XG: variants seen among roughly 807,000 people sequenced by gnomAD.
XG encodes glycoprotein Xg.
Under a neutral mutation model 25.7 loss-of-function variants are expected in XG, and 24 were observed. The ratio of observed to expected loss-of-function variants is 0.93; its 90% CI spans 0.68 to 1.31. XG has a LOEUF of 1.31. XG is among the 40% of genes most tolerant of loss of function. The pLI, the probability that XG is intolerant of heterozygous loss-of-function variation, is 0.00. For missense variants in XG, 181 were observed against 187.6 expected (o/e 0.96, Z 0.21); for synonymous variants, 77 against 69.2 (o/e 1.11, Z -0.56).
chrX:2,774,496 G>C (rs925458022), intron 2 of XG, among the ~76,000 whole-genome samples: 8 of 151,964 alleles, frequency 5.3e-5, no homozygotes, highest in African/African-American at 1.7e-4. Context: ...CCATCCTGTG[G>C]GCATCCTCAC....
chrX:2,770,998 C>T (rs2050805896), intron 2 of XG, among the ~76,000 whole-genome samples: 1 of 151,928 alleles, frequency 6.6e-6, no homozygotes, highest in Non-Finnish European at 1.5e-5. Context: ...AGGTGTGTGC[C>T]CCCATGCCAA....
intron 4 of XG, among the ~76,000 whole-genome samples, chrX:2,783,729 C>T (rs2086755338): frequency 8.8e-6 from 1 of 113,050 alleles, no homozygotes; most frequent in Non-Finnish European, 1.9e-5. Context: ...AATCCCAGCA[C>T]TTTGGGAGGC....
At chrX:2,787,382 C>G (rs1341488929) in intron 4 of XG, among the ~76,000 whole-genome samples, 10 of 111,217 alleles carry the variant, frequency 9.0e-5, no homozygotes, top group African/African-American at 1.6e-4. Flanking sequence ...GTTGGAGGTT[C>G]TGTGTGTGAA....
chrX:2,809,248 A>C (rs1262944466), intron 9 of XG, among the ~76,000 whole-genome samples: 1 of 111,695 alleles, frequency 9.0e-6, no homozygotes, highest in Non-Finnish European at 1.9e-5. Context: ...AACGGGAACC[A>C]GGGAAGGATG....
rs1179667048 is a variant in XG, at chrX:2,786,260, C to CTTTTTTTT, written c.191-3374_191-3367dup. Among the ~76,000 whole-genome samples the CTTTTTTTT allele has an allele frequency of 3.1e-4, 19 of 60,565 alleles. 3 individuals are homozygous for CTTTTTTTT. The highest frequency in any genetic ancestry group is 4.2e-4 in the African/African-American group (6 of 14,217). The allele number at this position is 60,565 out of a possible 115,157, so 52.6% of individuals were successfully genotyped here. A position where few individuals can be genotyped will look rare whatever the true frequency, so the allele number is the denominator to read the frequency against. ...CCCCAGCAGCTCCTATCCATGTTGTCTTTTTTTTTTTTTTTTTCAGACAGA... is the reference window on the plus strand; with the variant it reads ...CCCCAGCAGCTCCTATCCATGTTGTCTTTTTTTTTTTTTTTTTTTTTTTTTCAGACAGA... On this transcript the variant is annotated intron_variant, in intron 4 of 10. Coordinates refer to ENST00000644266, the MANE Select transcript of XG (RefSeq NM_001141919.2).
chrX:2,769,355 C>T (rs1450897518), intron 1 of XG, among the ~76,000 whole-genome samples: 1 of 152,204 alleles, frequency 6.6e-6, no homozygotes, highest in Non-Finnish European at 1.5e-5. Flanking sequence ...ATTGTCCCCC[C>T]TGGACAATTC....
In XG at chrX:2,752,044, G is replaced by T. The variant is rs186325534; in HGVS notation, c.-231G>T. On this transcript the variant is annotated 5_prime_UTR_variant, in exon 1 of 11. Coordinates refer to ENST00000644266, the MANE Select transcript of XG (RefSeq NM_001141919.2). ...CCCGGGGAGGCTGGCTCCGACACACGACTGAGTGTGCCTACACTGGTCCCA... is the reference window on the plus strand; with the variant it reads ...CCCGGGGAGGCTGGCTCCGACACACTACTGAGTGTGCCTACACTGGTCCCA... 3.4e-6 allele frequency: 2 copies of T among 589,724 alleles called. No individual in the cohort carries two copies. The highest frequency in any genetic ancestry group is 5.7e-6 in the Non-Finnish European group (2 of 348,228). 36.5% of individuals were successfully genotyped at this position (589,724 alleles called of 1,614,324 possible).
At chrX:2,809,794 C>T (rs773856523) in intron 9 of XG, among the ~76,000 whole-genome samples, 1 of 111,683 alleles carries the variant, frequency 9.0e-6, no homozygotes, top group East Asian at 2.8e-4. Context: ...TGGAATGGCT[C>T]ATCTCAGCTT....
chrX:2,757,012 C>T (rs1186892409), intron 1 of XG, among the ~76,000 whole-genome samples: 26 of 152,162 alleles, frequency 1.7e-4, no homozygotes. Flanking sequence ...CACGAACCAG[C>T]TGAAGGATGG....
rs189414581 is a variant in XG, at chrX:2,808,575, G to C, written c.454+355G>C. The C allele has an allele frequency of 1.3e-4, 97 of 751,080 alleles. No individual in the cohort carries two copies. The African/African-American group carries it at 1.9e-3, about 15-fold the overall frequency. The allele number at this position is 751,080 out of a possible 1,213,427, so 61.9% of individuals were successfully genotyped here. A position where few individuals can be genotyped will look rare whatever the true frequency, so the allele number is the denominator to read the frequency against. On this transcript the variant is annotated intron_variant, in intron 9 of 10. Transcript: ENST00000644266. ...GAAACCCAAGAAGGACAGGAGAAAG[G>C]AAGGTATGAACACTCTGCCCAAAGA... is the stretch of plus-strand genomic sequence containing the variant.
intron 1 of XG, among the ~76,000 whole-genome samples, chrX:2,764,804 G>A (rs1278315401): frequency 1.3e-5 from 2 of 151,984 alleles, no homozygotes; most frequent in Non-Finnish European, 2.9e-5. Flanking sequence ...ACTTTGGGAG[G>A]CCGAGGCGGG....
chrX:2,807,388 T>C (rs2087009564), intron 8 of XG, among the ~76,000 whole-genome samples: 1 of 113,388 alleles, frequency 8.8e-6, no homozygotes, highest in Non-Finnish European at 1.9e-5. Flanking sequence ...CATGTGCATC[T>C]GTGCATGTGG....
chrX:2,802,003 G>A (rs1345089922), intron 7 of XG, among the ~76,000 whole-genome samples: 1 of 111,372 alleles, frequency 9.0e-6, no homozygotes, highest in Non-Finnish European at 1.9e-5. Flanking sequence ...CACCGCGCCC[G>A]GCCACAGCTC....
At chrX:2,775,859 G>A (rs1371836443) in intron 3 of XG, among the ~76,000 whole-genome samples, 2 of 150,558 alleles carry the variant, frequency 1.3e-5, no homozygotes, top group Non-Finnish European at 2.9e-5. Context: ...GGGAGGCTGA[G>A]GCAAGAGAAT....
At chrX:2,769,550 C>T (rs2050769805) in intron 1 of XG, among the ~76,000 whole-genome samples, 1 of 152,226 alleles carries the variant, frequency 6.6e-6, no homozygotes, top group African/African-American at 2.4e-5. Flanking sequence ...CTCCTGGCTG[C>T]ATCCTCTACT....
At chrX:2,769,533 C>T (rs368742259) in intron 1 of XG, among the ~76,000 whole-genome samples, 1 of 152,328 alleles carries the variant, frequency 6.6e-6, no homozygotes. Context: ...AGTGCTGACT[C>T]AATGTGCTCC....
At chrX:2,759,891 C>T (rs1435101094) in intron 1 of XG, among the ~76,000 whole-genome samples, 6 of 152,220 alleles carry the variant, frequency 3.9e-5, no homozygotes, top group Non-Finnish European at 8.8e-5. Flanking sequence ...TGTGCAGCCA[C>T]GGTGCTGAGG....
intron 1 of XG, among the ~76,000 whole-genome samples, chrX:2,770,018 G>T (rs1329177722): frequency 6.5e-5 from 8 of 123,844 alleles, no homozygotes; most frequent in Non-Finnish European, 1.1e-4. Context: ...TGCGTGTGTG[G>T]AGGGGTGGGG....
At chrX:2,778,853 A>C (rs1437394907) in intron 3 of XG, among the ~76,000 whole-genome samples, 1 of 150,894 alleles carries the variant, frequency 6.6e-6, no homozygotes, top group African/African-American at 2.4e-5. Flanking sequence ...ACCTCCCCGC[A>C]AACTTCTCCT....
Sources: allele counts gnomAD v4.1 joint callset (sites outside exome capture counted in the v4.1 genomes callset), GRCh38; gene constraint gnomAD v4.1.1; transcripts MANE v1.5; gene names NCBI Gene and HGNC (gene_info 2026-07-23, HGNC 2026-07-21).